LEKR1: variants seen among roughly 807,000 people sequenced by gnomAD.
LEKR1 encodes leucine, glutamate and lysine rich 1.
Under a neutral mutation model 72.4 loss-of-function variants are expected in LEKR1, and 59 were observed. The observed-to-expected ratio is 0.82, with a 90% confidence interval of 0.66 to 1.01. LEKR1 has a LOEUF of 1.01. LEKR1 is among the 50% of genes least tolerant of loss of function. LEKR1 has a pLI of 0.00. For missense variants in LEKR1, 728 were observed against 759.2 expected (o/e 0.96, Z 0.48); for synonymous variants, 257 against 263.2 (o/e 0.98, Z 0.23).
intron 3 of LEKR1, among the ~76,000 whole-genome samples, chr3:156,917,104 A>G (rs1284216701): frequency 1.3e-5 from 2 of 152,132 alleles, no homozygotes; most frequent in East Asian, 3.9e-4. Context: ...GGGGCAATTA[A>G]AAAAGGCCTT....
At chr3:156,918,910 T>C (rs1022651798) in intron 3 of LEKR1, among the ~76,000 whole-genome samples, 1 of 152,178 alleles carries the variant, frequency 6.6e-6, no homozygotes, top group Non-Finnish European at 1.5e-5. Context: ...AATTTGAGCC[T>C]CAAGGCAGCA....
intron 3 of LEKR1, among the ~76,000 whole-genome samples, chr3:156,865,143 T>C (rs1717163185): frequency 6.6e-6 from 1 of 152,050 alleles, no homozygotes; most frequent in Non-Finnish European, 1.5e-5. Context: ...GTGTTCTACC[T>C]GCTACTCTTG....
At chr3:156,973,177 C>A (rs1035935841) in intron 6 of LEKR1, among the ~76,000 whole-genome samples, 8 of 152,040 alleles carry the variant, frequency 5.3e-5, no homozygotes, top group Non-Finnish European at 1.2e-4. Flanking sequence ...AAGTTTTATT[C>A]ATTCTTTCAG....
chr3:156,921,921 G>A (rs7635521), intron 4 of LEKR1, among the ~76,000 whole-genome samples: 51,023 of 151,990 alleles, frequency 0.34, 11,198 homozygotes, highest in African/African-American at 0.62. Context: ...TACAAATGGA[G>A]GTGTTATTTT....
intron 12 of LEKR1, among the ~76,000 whole-genome samples, chr3:157,035,360 A>T (rs566591562): frequency 3.3e-5 from 5 of 152,148 alleles, no homozygotes; most frequent in African/African-American, 7.2e-5. Context: ...ATGTCCTCCC[A>T]GTTCCCAAGA....
At chr3:156,998,751 T>G (rs749309451) in intron 9 of LEKR1, among the ~76,000 whole-genome samples, 72 of 152,284 alleles carry the variant, frequency 4.7e-4, no homozygotes, top group African/African-American at 1.6e-3. Flanking sequence ...AGCATAATTT[T>G]TAAGCTACAG....
At chr3:156,977,423 G>C in intron 6 of LEKR1, 2 of 503,308 alleles carry the variant, frequency 4.0e-6, no homozygotes, top group South Asian at 3.0e-5. Context: ...TTATTATCCT[G>C]AAGAAATGTC....
intron 2 of LEKR1, among the ~76,000 whole-genome samples, chr3:156,833,813 G>T (rs926608408): frequency 7.2e-5 from 11 of 151,846 alleles, no homozygotes; most frequent in African/African-American, 9.7e-5. Flanking sequence ...TTTAGCAGAA[G>T]TGATAACTCA....
At chr3:156,884,684 G>A (rs1032074804) in intron 3 of LEKR1, among the ~76,000 whole-genome samples, 2 of 152,154 alleles carry the variant, frequency 1.3e-5, no homozygotes, top group African/African-American at 4.8e-5. Flanking sequence ...TAGGTTATCT[G>A]ATGCTTTTGT....
chr3:157,010,472 T>G (rs766133486), intron 9 of LEKR1, among the ~76,000 whole-genome samples: 3 of 152,104 alleles, frequency 2.0e-5, no homozygotes, highest in Non-Finnish European at 4.4e-5. Context: ...ATTTTTGGTG[T>G]TGATGGATCA....
chr3:157,021,329 G>C (rs1471619278), intron 10 of LEKR1, among the ~76,000 whole-genome samples: 10 of 151,722 alleles, frequency 6.6e-5, no homozygotes, highest in Non-Finnish European at 1.5e-5. Flanking sequence ...ATTGCTTTTG[G>C]TGTTTTAGAC....
chr3:156,894,645 C>T (rs1720996467), intron 3 of LEKR1, among the ~76,000 whole-genome samples: 1 of 152,152 alleles, frequency 6.6e-6, no homozygotes, highest in Admixed American at 6.5e-5. Flanking sequence ...GCAAACTATA[C>T]TACAAGGCTA....
chr3:156,968,181 G>T (rs1292700243), intron 6 of LEKR1, among the ~76,000 whole-genome samples: 2 of 152,202 alleles, frequency 1.3e-5, no homozygotes, highest in Admixed American at 1.3e-4. Context: ...ATGACAAATT[G>T]TAAAGACCAT....
intron 7 of LEKR1, among the ~76,000 whole-genome samples, chr3:156,992,143 G>A (rs117984155): frequency 0.015 from 2,280 of 152,264 alleles, 109 homozygotes; most frequent in East Asian, 0.15. Context: ...TCCGGCTCTC[G>A]CCTCTTCAGC....
At chr3:156,941,042 C>T (rs1165087571) in intron 5 of LEKR1, among the ~76,000 whole-genome samples, 1 of 151,934 alleles carries the variant, frequency 6.6e-6, no homozygotes, top group Non-Finnish European at 1.5e-5. Flanking sequence ...TCTTTAACTC[C>T]ATTCTTTTAA....
intron 6 of LEKR1, among the ~76,000 whole-genome samples, chr3:156,946,156 ACTT>A (rs1726658700): frequency 6.6e-6 from 1 of 151,024 alleles, no homozygotes; most frequent in Admixed American, 6.6e-5. Flanking sequence ...GAGAACTTTT[ACTT>A]CTTTGGTTAG....
intron 3 of LEKR1, among the ~76,000 whole-genome samples, chr3:156,901,144 T>C (rs1024578508): frequency 1.3e-5 from 2 of 152,208 alleles, no homozygotes; most frequent in African/African-American, 4.8e-5. Context: ...TTATTACATA[T>C]TTTGAGAAGA....
Position 156,906,102 on chromosome 3 carries a change from G to A in LEKR1, c.264-14473G>A, listed in dbSNP as rs139114443. On this transcript the variant is annotated intron_variant, in intron 3 of 12. Transcript: ENST00000356539. ...CAAAAAAGAGTGCAGATTACAGGTGGTAAAATCCTCGATGATGTGGCCGCT... is the reference window on the plus strand; with the variant it reads ...CAAAAAAGAGTGCAGATTACAGGTGATAAAATCCTCGATGATGTGGCCGCT... 5.1e-4 allele frequency among the ~76,000 whole-genome samples: 77 copies of A among 152,192 alleles called. 1 individual carries two copies. The East Asian group carries it at 0.014, about 28-fold the overall frequency.
At chr3:156,905,567 T>G (rs6763644) in intron 3 of LEKR1, among the ~76,000 whole-genome samples, 50,856 of 151,938 alleles carry the variant, frequency 0.33, 11,126 homozygotes, top group African/African-American at 0.62. Context: ...TTTTGAAGTT[T>G]CCATAGCTCC....
Sources: gnomAD v4.1 joint callset for allele counts (sites outside exome capture counted in the v4.1 genomes callset) on GRCh38, gnomAD v4.1.1 for gene constraint, MANE v1.5 for transcripts, NCBI Gene and HGNC (gene_info 2026-07-23, HGNC 2026-07-21) for gene names.